CDH26: variants seen among roughly 807,000 people sequenced by gnomAD.
The protein encoded by CDH26 is cadherin-like protein 26.
A neutral mutation model predicts 90.3 loss-of-function variants in CDH26; 83 were observed. The observed-to-expected ratio is 0.92, with a 90% CI of 0.77 to 1.10. The LOEUF (loss-of-function observed/expected upper bound fraction) is 1.10, where lower values mean the gene tolerates loss of function less well. Ranked by LOEUF, CDH26 falls within the 50% of genes least tolerant of loss-of-function variation. The pLI, the probability that CDH26 is intolerant of heterozygous loss-of-function variation, is 0.00. For missense variants in CDH26, 1,013 were observed against 1,037.6 expected (o/e 0.98, Z 0.33); for synonymous variants, 397 against 396.3 (o/e 1.00, Z -0.02).
At position 59,992,136 on chromosome 20, in the gene CDH26, C is replaced by T. The variant is rs370642280; in HGVS notation, c.1284-242C>T. 6.6e-6 allele frequency among the ~76,000 whole-genome samples: 1 copy of T among 152,154 alleles called. No individual in the cohort carries two copies. The highest frequency in any genetic ancestry group is 6.5e-5 in the Admixed American group (1 of 15,282). On this transcript the variant is annotated intron_variant, in intron 9 of 17. Transcript: ENST00000348616. This position sits in a 1 kb window ranked among gnomAD's most constrained non-coding sequence, Gnocchi z 5.0. ...ATGTTCAGTCCAACAAGGAGGGGGA[C>T]GCTTGGTCTTCTGGTGAATGTCAAT...
At chr20:59,996,495 G>A in intron 12 of CDH26, 136 bp from the exon 13 acceptor site, 2 of 1,612,444 alleles carry the variant, frequency 1.2e-6, no homozygotes, top group Non-Finnish European at 1.7e-6. Flanking sequence ...GAACTTTATA[G>A]CTACACAGAT....
chr20:60,010,539 G>A (rs2061822338), intron 17 of CDH26, among the ~76,000 whole-genome samples: 1 of 152,150 alleles, frequency 6.6e-6, no homozygotes, highest in South Asian at 2.1e-4. Flanking sequence ...AATCACTCAG[G>A]CCAGAAAAGT....
Position 59,985,131 on chromosome 20 carries a change from T to C in CDH26, c.837+2T>C. On this transcript the variant is annotated splice_donor_variant, in intron 7 of 17. Coordinates refer to ENST00000348616, the MANE Select transcript of CDH26 (RefSeq NM_177980.4). LOFTEE classifies it high-confidence loss of function. ...AGGCCTGCATTTACCCAGGAGAACG[T>C]GAGGCTCCTGGGCCGCCCCAACGTC... 6.2e-7 allele frequency: 1 copy of C among 1,611,488 alleles called. No homozygotes were observed. The highest frequency in any genetic ancestry group is 1.3e-5 in the African/African-American group (1 of 75,014).
In CDH26 at chr20:60,012,516, C is replaced by T. The variant is rs2061859199; in HGVS notation, c.2296-11C>T. On this transcript the variant is annotated splice_polypyrimidine_tract_variant and intron_variant, in intron 17 of 17. Transcript: ENST00000348616. ...TGGCATTTACCTTCTCTTTCCCCCA[C>T]TTTTCCCCAGAAACTCCATGTTGCC... The T allele has an allele frequency of 6.2e-7, 1 of 1,609,196 alleles. No individual in the cohort carries two copies. Among genetic ancestry groups the T allele is most frequent in the Admixed American group, 1.7e-5 (1 of 59,232 alleles).
chr20:59,972,247 T>C (rs1027560229), intron 4 of CDH26, 124 bp downstream of exon 4: 1 of 845,494 alleles, frequency 1.2e-6, no homozygotes, highest in African/African-American at 1.7e-5. Context: ...TTATGCCTTG[T>C]GACAAGCTTT....
intron 7 of CDH26, among the ~76,000 whole-genome samples, chr20:59,986,395 G>A (rs1014583822): frequency 2.0e-5 from 3 of 152,134 alleles, no homozygotes; most frequent in Admixed American, 1.3e-4. Context: ...GATAAAATAA[G>A]AATCACTCAA....
intron 14 of CDH26, 57 bp downstream of exon 14, chr20:59,999,720 C>T: frequency 6.5e-7 from 1 of 1,539,028 alleles, no homozygotes. Context: ...CTGGTGGTTT[C>T]CCTGACAAGG....
Position 60,000,789 on chromosome 20 carries a change from C to T in CDH26, c.2098-554C>T, listed in dbSNP as rs117409915. Among the ~76,000 whole-genome samples the T allele has an allele frequency of 4.2e-3, 641 of 152,264 alleles. 12 individuals are homozygous for T. The highest frequency in any genetic ancestry group is 0.027 in the Admixed American group (407 of 15,288). Reference sequence around the variant, plus strand: ...CTCTGGTGACTGCTTAAATAAACTGCCATTCACACACTTTCTCTAAGTGAA... The same window carrying T: ...CTCTGGTGACTGCTTAAATAAACTGTCATTCACACACTTTCTCTAAGTGAA... On this transcript the variant is annotated intron_variant, in intron 14 of 17. Coordinates refer to ENST00000348616, the MANE Select transcript of CDH26 (RefSeq NM_177980.4).
chr20:59,974,264 T>C (rs995439591), intron 4 of CDH26, among the ~76,000 whole-genome samples: 2 of 152,212 alleles, frequency 1.3e-5, no homozygotes, highest in Admixed American at 6.5e-5. Context: ...AATTTTAAGT[T>C]CCTTATAGAT....
intron 9 of CDH26, among the ~76,000 whole-genome samples, chr20:59,991,722 T>TTTGTTG (rs367865994): frequency 6.6e-6 from 1 of 152,116 alleles, no homozygotes; most frequent in Non-Finnish European, 1.5e-5. Flanking sequence ...ACCTGCACTT[T>TTTGTTG]TTGTTGTTGT....
chr20:60,020,603 C>T (rs1033272461), intron 7 of CDH26, among the ~76,000 whole-genome samples: 1 of 152,140 alleles, frequency 6.6e-6, no homozygotes, highest in Non-Finnish European at 1.5e-5. Flanking sequence ...GAATATGGAG[C>T]GCTGGTGCTG....
Position 59,971,954 on chromosome 20 carries a change from C to G in CDH26, c.232-8C>G, listed in dbSNP as rs1322198599. On this transcript the variant is annotated splice_polypyrimidine_tract_variant and splice_region_variant and intron_variant, in intron 3 of 17. Transcript: ENST00000348616. Reference sequence around the variant, plus strand: ...CTTTTTTCTTCTTTCCATTTTTCCTCCTTCCAGCTGTTCAATAATATGTCT... The same window carrying G: ...CTTTTTTCTTCTTTCCATTTTTCCTGCTTCCAGCTGTTCAATAATATGTCT... 1.2e-6 allele frequency: 2 copies of G among 1,607,748 alleles called. No individual in the cohort carries two copies. The highest frequency in any genetic ancestry group is 2.7e-5 in the African/African-American group (2 of 74,646).
chr20:59,959,174 C>T (rs929009202), intron 1 of CDH26, among the ~76,000 whole-genome samples: 4 of 152,078 alleles, frequency 2.6e-5, no homozygotes, highest in South Asian at 4.2e-4. Flanking sequence ...GATCAAGGCT[C>T]ACTGCAGCTT....
intron 10 of CDH26, among the ~76,000 whole-genome samples, chr20:59,993,136 G>A (rs143986125): frequency 6.6e-6 from 1 of 152,174 alleles, no homozygotes; most frequent in African/African-American, 2.4e-5. Context: ...GTTGGCGGGG[G>A]GCAATGGAGA....
intron 1 of CDH26, among the ~76,000 whole-genome samples, chr20:59,964,393 G>T (rs1025708656): frequency 7.2e-5 from 11 of 152,176 alleles, no homozygotes; most frequent in African/African-American, 2.7e-4. Flanking sequence ...AAGTGGTTTG[G>T]TGGACATGGT....
intron 1 of CDH26, among the ~76,000 whole-genome samples, chr20:59,966,231 T>TAAAAAAAAAAAAAA (rs60088029): frequency 5.2e-4 from 40 of 76,262 alleles, no homozygotes; most frequent in African/African-American, 2.3e-3. Flanking sequence ...GGTGTTGCAT[T>TAAAAAAAAAAAAAA]AAAAAAAAAA....
intron 17 of CDH26, among the ~76,000 whole-genome samples, chr20:60,007,732 G>T (rs972756059): frequency 1.0e-4 from 15 of 146,020 alleles, no homozygotes; most frequent in African/African-American, 3.2e-4. Context: ...GTTTCTGCTG[G>T]TTTTTTTTTT....
chr20:60,035,174 A>G (rs981625709), downstream of CDH26, among the ~76,000 whole-genome samples: 5 of 152,194 alleles, frequency 3.3e-5, no homozygotes, highest in African/African-American at 4.8e-5. Flanking sequence ...ACTGTGTTAT[A>G]ACTTAAGCAG....
chr20:60,015,696 A>G (rs2061899918), downstream of CDH26, among the ~76,000 whole-genome samples: 1 of 152,050 alleles, frequency 6.6e-6, no homozygotes, highest in African/African-American at 2.4e-5. Flanking sequence ...AAGTTTTTTT[A>G]CAAGACCAAT....
Sources: gnomAD v4.1 joint callset for allele counts (sites outside exome capture counted in the v4.1 genomes callset) on GRCh38, gnomAD v4.1.1 for gene constraint, Gnocchi (gnomAD v3.1) non-coding constraint, MANE v1.5 for transcripts, NCBI Gene and HGNC (gene_info 2026-07-23, HGNC 2026-07-21) for gene names.